TIMP2: variants seen among roughly 807,000 people sequenced by gnomAD.
The protein encoded by TIMP2 is TIMP metallopeptidase inhibitor 2.
A neutral mutation model predicts 24.3 loss-of-function variants in TIMP2; 5 were observed. The ratio of observed to expected loss-of-function variants is 0.21; its 90% CI spans 0.11 to 0.43. TIMP2 has a LOEUF of 0.43. Ranked by LOEUF, TIMP2 falls within the 20% of genes least tolerant of loss-of-function variation. The pLI is 1.00. For synonymous variants in TIMP2, 130 were observed against 123.2 expected, an observed-to-expected ratio of 1.06 and a Z score of -0.37; for missense variants, 221 against 297.5, an observed-to-expected ratio of 0.74 and a Z score of 1.89.
At chr17:78,916,045 C>T (rs542733620) in intron 1 of TIMP2, among the ~76,000 whole-genome samples, 1 of 152,330 alleles carries the variant, frequency 6.6e-6, no homozygotes, top group East Asian at 1.9e-4. Context: ...TGATTCACCT[C>T]CCTGGCTGCT....
At chr17:78,917,770 C>T (rs1229165943) in intron 1 of TIMP2, among the ~76,000 whole-genome samples, 1 of 152,144 alleles carries the variant, frequency 6.6e-6, no homozygotes, top group Non-Finnish European at 1.5e-5. Flanking sequence ...ATCCTTTCCC[C>T]AGAGCTGGTT....
intron 1 of TIMP2, among the ~76,000 whole-genome samples, chr17:78,911,591 C>G (rs1018958265): frequency 6.6e-6 from 1 of 151,914 alleles, no homozygotes; most frequent in Non-Finnish European, 1.5e-5. Flanking sequence ...CCATGCCCAG[C>G]TAATTTTAAA....
chr17:78,893,129 AG>A (rs1384732666), intron 1 of TIMP2, among the ~76,000 whole-genome samples: 7 of 135,410 alleles, frequency 5.2e-5, no homozygotes, highest in South Asian at 5.1e-4. Context: ...ATGTGTGTGC[AG>A]GGGTGTGTGT....
chr17:78,915,497 T>C (rs945196427), intron 1 of TIMP2, among the ~76,000 whole-genome samples: 2 of 149,382 alleles, frequency 1.3e-5, no homozygotes, highest in East Asian at 3.9e-4. Flanking sequence ...TACCTCCTTT[T>C]AAAAGCCGTC....
At chr17:78,885,930 G>T (rs117647110) in intron 1 of TIMP2, among the ~76,000 whole-genome samples, 32 of 152,304 alleles carry the variant, frequency 2.1e-4, no homozygotes, top group African/African-American at 7.0e-4. Flanking sequence ...GGTGACCAAG[G>T]GGGGAGGGGA....
At chr17:78,907,661 A>G (rs1163145675) in intron 1 of TIMP2, among the ~76,000 whole-genome samples, 15 of 152,246 alleles carry the variant, frequency 9.9e-5, no homozygotes, top group Non-Finnish European at 2.2e-4. Flanking sequence ...TGAGAAAAAA[A>G]TGGCACCGAT....
At chr17:78,900,732 T>A (rs1003026883) in intron 1 of TIMP2, among the ~76,000 whole-genome samples, 4 of 152,106 alleles carry the variant, frequency 2.6e-5, no homozygotes, top group African/African-American at 9.7e-5. Flanking sequence ...TAGAGGTTTT[T>A]AACAGCTTGC....
chr17:78,887,193 G>A (rs764301827), intron 1 of TIMP2, among the ~76,000 whole-genome samples: 60 of 152,332 alleles, frequency 3.9e-4, no homozygotes, highest in Non-Finnish European at 6.9e-4. Flanking sequence ...ATTCGCCAGG[G>A]AAGTCCGGCT....
At chr17:78,865,616 C>T (rs1327649456) in intron 3 of TIMP2, among the ~76,000 whole-genome samples, 1 of 110,270 alleles carries the variant, frequency 9.1e-6, no homozygotes, top group African/African-American at 3.4e-5. Flanking sequence ...AAGACAGAAA[C>T]TCTGTCTCAA....
intron 1 of TIMP2, among the ~76,000 whole-genome samples, chr17:78,911,125 T>C (rs2070203270): frequency 6.6e-6 from 1 of 152,214 alleles, no homozygotes; most frequent in Non-Finnish European, 1.5e-5. Flanking sequence ...TGGGCCTTTC[T>C]GATCATCTGT....
Position 78,891,839 on chromosome 17 carries a change from T to C in TIMP2, c.131-17920A>G. On this transcript the variant is annotated intron_variant, in intron 1 of 4. Coordinates refer to ENST00000262768, the MANE Select transcript of TIMP2 (RefSeq NM_003255.5). This position sits in a 1 kb window ranked among gnomAD's most constrained non-coding sequence, Gnocchi z 4.5. Reference sequence around the variant, plus strand: ...CGAAGGTTCTGGCCTTCCCTTTCTCTTCTCAGGCGGGGCCAGGTGAGAATT... The same window carrying C: ...CGAAGGTTCTGGCCTTCCCTTTCTCCTCTCAGGCGGGGCCAGGTGAGAATT... The C allele has an allele frequency of 1.9e-6, 3 of 1,550,786 alleles. No homozygotes were observed. The highest frequency in any genetic ancestry group is 1.7e-6 in the Non-Finnish European group (2 of 1,147,030).
chr17:78,857,164 T>G (rs2069530249), intron 4 of TIMP2: 1 of 231,962 alleles, frequency 4.3e-6, no homozygotes, highest in South Asian at 6.4e-5. Context: ...AATTTTTGTA[T>G]TTTTGTAGAG....
At chr17:78,904,575 G>T (rs1229326791) in intron 1 of TIMP2, 1 of 152,128 alleles carries the variant, frequency 6.6e-6, no homozygotes, top group Non-Finnish European at 1.5e-5. Flanking sequence ...CTCGATCACA[G>T]TCCACCACCA....
rs761953688 is a variant in TIMP2 at position 78,892,142 on chromosome 17, GCCT to G, written c.131-18226_131-18224del. On this transcript the variant is annotated intron_variant, in intron 1 of 4. Transcript: ENST00000262768. ...CAGGCCACCGACGTGCAGGTGCTGT[GCCT>G]CCTGATACCCTCTCCTCAACTCCTC... The G allele has an allele frequency of 3.0e-5, 47 of 1,550,730 alleles. No homozygotes were observed. In the African/African-American group the frequency reaches 3.3e-4, roughly 11 times the overall value.
chr17:78,881,932 A>T (rs1416085341), intron 1 of TIMP2, among the ~76,000 whole-genome samples: 4 of 151,828 alleles, frequency 2.6e-5, no homozygotes, highest in Non-Finnish European at 4.4e-5. Flanking sequence ...ATGTAATGAC[A>T]CCATATGGCT....
intron 1 of TIMP2, among the ~76,000 whole-genome samples, chr17:78,874,947 G>C (rs1341713725): frequency 6.6e-6 from 1 of 152,030 alleles, no homozygotes; most frequent in Non-Finnish European, 1.5e-5. Flanking sequence ...CGCCATGTTG[G>C]CCAGGCTGGT....
At chr17:78,870,102 A>C (rs2069663073) in intron 3 of TIMP2, among the ~76,000 whole-genome samples, 1 of 152,172 alleles carries the variant, frequency 6.6e-6, no homozygotes, top group East Asian at 1.9e-4. Flanking sequence ...GAATGTATCT[A>C]ATGCCACTGA....
intron 1 of TIMP2, chr17:78,892,661 G>C: frequency 1.4e-6 from 1 of 735,120 alleles, no homozygotes; most frequent in Non-Finnish European, 2.2e-6. Context: ...GAGCCTGTAG[G>C]GCAGCTGTTT....
intron 1 of TIMP2, among the ~76,000 whole-genome samples, chr17:78,921,056 C>T (rs2070305282): frequency 6.6e-6 from 1 of 152,206 alleles, no homozygotes; most frequent in South Asian, 2.1e-4. Flanking sequence ...TAAAAAGCGC[C>T]ACGCCGCCCC....
Sources: gnomAD v4.1 joint callset for allele counts (sites outside exome capture counted in the v4.1 genomes callset) on GRCh38, gnomAD v4.1.1 for gene constraint, Gnocchi (gnomAD v3.1) non-coding constraint, MANE v1.5 for transcripts, NCBI Gene and HGNC (gene_info 2026-07-23, HGNC 2026-07-21) for gene names.